MEGF10: variants seen among roughly 807,000 people sequenced by gnomAD.
The protein encoded by MEGF10 is multiple epidermal growth factor-like domains protein 10.
Under a neutral mutation model 147.5 loss-of-function variants are expected in MEGF10, and 86 were observed. That is an observed-to-expected ratio of 0.58 (90% CI 0.49 to 0.70). The LOEUF is 0.70. Ranked by LOEUF, MEGF10 falls within the 30% of genes least tolerant of loss-of-function variation. The pLI is 0.00. For missense variants in MEGF10, 1,329 were observed against 1,487.3 expected, an observed-to-expected ratio of 0.89 and a Z score of 1.75; for synonymous variants, 478 against 525.5, an observed-to-expected ratio of 0.91 and a Z score of 1.24.
the MEGF10 span, among the ~76,000 whole-genome samples, chr5:127,259,601 A>G: frequency 6.6e-6 from 1 of 152,242 alleles, no homozygotes; most frequent in East Asian, 1.9e-4. Context: ...ATACTGCTGT[A>G]TCCCCTAATC....
intron 4 of MEGF10, among the ~76,000 whole-genome samples, chr5:127,342,204 A>G (rs949737973): frequency 2.6e-5 from 4 of 152,278 alleles, no homozygotes; most frequent in African/African-American, 9.6e-5. Flanking sequence ...GAAATTTTCA[A>G]AAGAAAGCAG....
At chr5:127,317,328 G>T (rs1262702609) in intron 1 of MEGF10, among the ~76,000 whole-genome samples, 2 of 152,180 alleles carry the variant, frequency 1.3e-5, no homozygotes, top group African/African-American at 2.4e-5. Flanking sequence ...AGTTTAATTA[G>T]ATCCCATTTG....
upstream of MEGF10, among the ~76,000 whole-genome samples, chr5:127,287,406 G>A (rs2585188): frequency 5.3e-4 from 80 of 151,914 alleles, no homozygotes; most frequent in Non-Finnish European, 9.3e-4. Context: ...AAAATGTGAG[G>A]GTACTGCACA....
At chr5:127,278,426 T>A in the MEGF10 span, among the ~76,000 whole-genome samples, 1 of 152,090 alleles carries the variant, frequency 6.6e-6, no homozygotes, top group Non-Finnish European at 1.5e-5. Context: ...GATACTAAGT[T>A]TAGAAATTTA....
chr5:127,415,438 C>T (rs1375406635), intron 9 of MEGF10, among the ~76,000 whole-genome samples: 1 of 151,980 alleles, frequency 6.6e-6, no homozygotes, highest in Non-Finnish European at 1.5e-5. Context: ...GGTGATAAGG[C>T]ATGAGTGGAG....
chr5:127,329,195 T>C (rs1262182717), intron 1 of MEGF10, among the ~76,000 whole-genome samples: 1 of 152,238 alleles, frequency 6.6e-6, no homozygotes, highest in Non-Finnish European at 1.5e-5. Flanking sequence ...ATGTGAGAAA[T>C]GTCAATAATT....
At chr5:127,452,303 A>G (rs960862893) in intron 22 of MEGF10, among the ~76,000 whole-genome samples, 2 of 152,244 alleles carry the variant, frequency 1.3e-5, no homozygotes, top group African/African-American at 4.8e-5. Flanking sequence ...TGGGCATTTA[A>G]TAAGACTTTG....
chr5:127,406,442 C>T (rs1004694748), intron 8 of MEGF10, among the ~76,000 whole-genome samples: 1 of 152,226 alleles, frequency 6.6e-6, no homozygotes, highest in Non-Finnish European at 1.5e-5. Context: ...ACAACAAACA[C>T]ATTTGTCACT....
At chr5:127,386,703 T>G (rs1474571133) in intron 5 of MEGF10, among the ~76,000 whole-genome samples, 1 of 152,236 alleles carries the variant, frequency 6.6e-6, no homozygotes, top group Non-Finnish European at 1.5e-5. Context: ...AGAACTAAGT[T>G]GTCCTTTCTG....
the MEGF10 span, among the ~76,000 whole-genome samples, chr5:127,254,708 G>T: frequency 6.6e-6 from 1 of 151,740 alleles, no homozygotes; most frequent in Non-Finnish European, 1.5e-5. Context: ...CTACTTGGGA[G>T]GCTGAGGCAG....
At chr5:127,241,784 G>A in the MEGF10 span, among the ~76,000 whole-genome samples, 6,516 of 152,058 alleles carry the variant, frequency 0.043, 228 homozygotes, top group Middle Eastern at 0.092. Context: ...TACAGTTTTG[G>A]TACATTAGGG....
Position 127,440,363 on chromosome 5 carries a change from G to A in MEGF10, c.2234-376G>A, listed in dbSNP as rs148315202. ...CAGGTAATTTTAATATAAAGTACCC[G>A]TCTCAGTCCATTGGAATTTGAGTCC... On this transcript the variant is annotated intron_variant, in intron 17 of 24. Transcript: ENST00000503335. Among the ~76,000 whole-genome samples, 73 of 152,256 alleles carry A rather than the reference G, an allele frequency of 4.8e-4. No individual in the cohort carries two copies. In the East Asian group the frequency reaches 8.7e-3, roughly 18 times the overall value.
At chr5:127,282,848 T>TCAAATGAATGCTCTCTCC in the MEGF10 span, among the ~76,000 whole-genome samples, 1 of 152,188 alleles carries the variant, frequency 6.6e-6, no homozygotes, top group African/African-American at 2.4e-5. Context: ...CTAAGTTCAG[T>TCAAATGAATGCTCTCTCC]CAAATGAATG....
intron 19 of MEGF10, 34 bp from the exon 20 acceptor site, chr5:127,445,423 G>A (rs1382290327): frequency 1.3e-6 from 2 of 1,532,676 alleles, no homozygotes; most frequent in East Asian, 2.3e-5. Context: ...CCAGCACATT[G>A]TCATCCTTTC....
Position 127,433,498 on chromosome 5 carries a change from C to T in MEGF10, c.1829C>T (p.Thr610Ile). 6.2e-7 allele frequency: 1 copy of T among 1,606,790 alleles called. No homozygotes were observed. The highest frequency in any genetic ancestry group is 1.1e-5 in the South Asian group (1 of 89,566). The change falls in exon 14 of 25, where the codon ACT (threonine) becomes ATT (isoleucine). Residue 610 changes from threonine (T) to isoleucine (I), a missense_variant. By Grantham distance (89) the Thr-to-Ile change is moderately conservative. Around this residue, in one of 3 missense-constraint regions of MEGF10, gnomAD observed 980 missense variants for 1,085.9 expected, o/e 0.90. Coordinates refer to ENST00000503335, the MANE Select transcript of MEGF10 (RefSeq NM_001256545.2). ...CECAPGFRGTTCQRICSPGFY... is the reference protein window; with the variant it reads ...CECAPGFRGTICQRICSPGFY... ...TGTGCACCAGGCTTCCGAGGCACCA[C>T]TTGTCAGAGGAGTAAGTGTCTCATT... is the stretch of plus-strand genomic sequence containing the variant.
chr5:127,331,363 T>C lies in MEGF10; in HGVS notation c.55T>C (p.Trp19Arg). The part of the protein sequence containing the change: ...LSFICLLLCH[W>R]IGTASPLNLE... ...CTTTATTTGTTTATTGTTATGCCAC[T>C]GGATTGGGACAGCATCACCTCTGAA... The change falls in exon 2 of 25, where the codon TGG (tryptophan) becomes CGG (arginine). Residue 19 changes from tryptophan (W) to arginine (R), a missense_variant. Trp to Arg is a moderately radical substitution (Grantham distance 101). Around this residue, in one of 3 missense-constraint regions of MEGF10, gnomAD observed 980 missense variants for 1,085.9 expected, o/e 0.90. Transcript: ENST00000503335. 6.2e-7 allele frequency: 1 copy of C among 1,613,504 alleles called. No homozygotes were observed. Among genetic ancestry groups the C allele is most frequent in the East Asian group, 2.2e-5 (1 of 44,852 alleles).
chr5:127,435,754 C>A lies in MEGF10; in HGVS notation c.2104+265C>A, dbSNP rs368775906. ...TTTCCTTATCCCCTTTTCAGTGATT[C>A]ATCGTCCATTGAAATAAAGCAAAAA... is the stretch of plus-strand genomic sequence containing the variant. On this transcript the variant is annotated intron_variant, in intron 16 of 24. Coordinates refer to ENST00000503335, the MANE Select transcript of MEGF10 (RefSeq NM_001256545.2). Among the ~76,000 whole-genome samples the A allele has an allele frequency of 2.7e-4, 41 of 151,820 alleles. 1 individual carries two copies. In the East Asian group the frequency reaches 5.4e-3, roughly 20 times the overall value.
the MEGF10 span, among the ~76,000 whole-genome samples, chr5:127,265,087 G>T: frequency 6.6e-6 from 1 of 151,926 alleles, no homozygotes; most frequent in Admixed American, 6.6e-5. Context: ...ACCACAACAG[G>T]CCCCAGTGTG....
In MEGF10 at chr5:127,433,346, C is replaced by T. The variant is rs765163327; in HGVS notation, c.1694-17C>T. ...CACTGCCTCTCACTCAGCCTTGCCCCATGTGCATTATTTCAGGTGTCCACT... is the reference window on the plus strand; with the variant it reads ...CACTGCCTCTCACTCAGCCTTGCCCTATGTGCATTATTTCAGGTGTCCACT... On this transcript the variant is annotated splice_polypyrimidine_tract_variant and intron_variant, in intron 13 of 24. Coordinates refer to ENST00000503335, the MANE Select transcript of MEGF10 (RefSeq NM_001256545.2). 52 of 1,614,186 alleles carry T rather than the reference C, an allele frequency of 3.2e-5. No homozygotes were observed. The East Asian group carries it at 1.1e-3, about 33-fold the overall frequency.
Sources: allele counts gnomAD v4.1 joint callset (sites outside exome capture counted in the v4.1 genomes callset), GRCh38; gene constraint gnomAD v4.1.1; regional missense constraint gnomAD v4.1.1; transcripts MANE v1.5; gene names NCBI Gene and HGNC (gene_info 2026-07-23, HGNC 2026-07-21).